MLLT10: variants seen among roughly 807,000 people sequenced by gnomAD.
The protein encoded by MLLT10 is MLLT10 histone lysine methyltransferase DOT1L cofactor, also known as protein AF-10.
MLLT10 carries 30 observed loss-of-function variants against 129.1 expected under a neutral mutation model. That is an observed-to-expected ratio of 0.23 (90% CI 0.17 to 0.32). The LOEUF (loss-of-function observed/expected upper bound fraction) is 0.32. MLLT10 is among the 10% of genes least tolerant of loss of function. The pLI is 1.00. For missense variants in MLLT10, 1,119 were observed against 1,268.3 expected, an observed-to-expected ratio of 0.88 and a Z score of 1.79; for synonymous variants, 490 against 446.4, an observed-to-expected ratio of 1.10 and a Z score of -1.23.
intron 3 of MLLT10, among the ~76,000 whole-genome samples, chr10:21,577,631 C>T (rs189657187): frequency 2.0e-5 from 3 of 151,794 alleles, no homozygotes; most frequent in African/African-American, 4.8e-5. Context: ...ACCATCATGC[C>T]GGGCTAATTT....
chr10:21,704,598 T>C (rs1460532942), intron 13 of MLLT10, among the ~76,000 whole-genome samples: 1 of 143,724 alleles, frequency 7.0e-6, no homozygotes, highest in African/African-American at 2.6e-5. Flanking sequence ...CCTTTGGAGG[T>C]GTCTCTCTCT....
At chr10:21,613,671 G>A (rs1438414739) in intron 6 of MLLT10, among the ~76,000 whole-genome samples, 1 of 151,322 alleles carries the variant, frequency 6.6e-6, no homozygotes, top group Non-Finnish European at 1.5e-5. Context: ...GAGAGACAGA[G>A]GTGGGCAGAT....
chr10:21,706,910 G>C (rs577118218), intron 13 of MLLT10, among the ~76,000 whole-genome samples: 2 of 152,058 alleles, frequency 1.3e-5, no homozygotes, highest in African/African-American at 4.8e-5. Context: ...CATCTCTTTC[G>C]TCAGGCTCTC....
At chr10:21,637,474 T>C (rs1373492585) in intron 8 of MLLT10, among the ~76,000 whole-genome samples, 1 of 152,200 alleles carries the variant, frequency 6.6e-6, no homozygotes, top group Non-Finnish European at 1.5e-5. Context: ...TCCTATACTT[T>C]CCAGAAACTT....
chr10:21,673,648 T>C lies in MLLT10; in HGVS notation c.1350T>C (p.Tyr450=), dbSNP rs1199119692. 1 of 1,614,040 alleles carries C rather than the reference T, an allele frequency of 6.2e-7. No homozygotes were observed. Residue 450 remains tyrosine (Y), a synonymous_variant, in exon 11 of 23, where the codon TAT becomes TAC. Transcript: ENST00000307729. The part of the protein sequence containing the change: ...LGNSSLPTAG[Y]KRAQTSGIEE... The stretch of plus-strand genomic sequence containing the variant: ...ATTCCAGCCTTCCTACAGCAGGATA[T>C]AAGCGGGCTCAAACTTCTGGCATAG...
intron 4 of MLLT10, among the ~76,000 whole-genome samples, chr10:21,588,318 C>T (rs1419051724): frequency 2.6e-5 from 4 of 152,252 alleles, no homozygotes; most frequent in African/African-American, 4.8e-5. Flanking sequence ...CCTACTGCCT[C>T]GGCCTTCCAA....
Position 21,608,007 on chromosome 10 carries a change from GT to G in MLLT10, c.406-4330del, listed in dbSNP as rs531496599. 9.3e-3 allele frequency among the ~76,000 whole-genome samples: 1,337 copies of G among 143,188 alleles called. 21 individuals carry two copies. The highest frequency in any genetic ancestry group is 0.03 in the African/African-American group (1,193 of 39,554). 93.9% of individuals were successfully genotyped at this position (143,188 alleles called of 152,430 possible). A position where few individuals can be genotyped will look rare whatever the true frequency, so the allele number is the denominator to read the frequency against. On this transcript the variant is annotated intron_variant, in intron 5 of 22. Coordinates refer to ENST00000307729, the MANE Select transcript of MLLT10 (RefSeq NM_001195626.3). The stretch of plus-strand genomic sequence containing the variant: ...GTTATAGGATTCTTGATTTACAGGT[GT>G]TTTTTTTTTTCTTCTTTTTTTTTGG...
chr10:21,592,915 A>G (rs762781980), intron 4 of MLLT10, among the ~76,000 whole-genome samples: 4 of 151,294 alleles, frequency 2.6e-5, no homozygotes, highest in Non-Finnish European at 5.9e-5. Context: ...TCTTTCTCAT[A>G]TTTTCTCTGA....
At chr10:21,708,484 A>G (rs766652631) in intron 13 of MLLT10, 4 of 806,612 alleles carry the variant, frequency 5.0e-6, no homozygotes, top group Non-Finnish European at 6.0e-6. Flanking sequence ...GGAATACATT[A>G]TTTTCATTTT....
chr10:21,733,123 A>G (rs1172145079), intron 18 of MLLT10, 36 bp downstream of exon 18: 3 of 1,549,178 alleles, frequency 1.9e-6, no homozygotes, highest in Middle Eastern at 1.7e-4. Context: ...ATCTAAGGAA[A>G]ATAGGCTTTC....
At chr10:21,655,871 T>C (rs1449615190) in intron 9 of MLLT10, among the ~76,000 whole-genome samples, 1 of 152,084 alleles carries the variant, frequency 6.6e-6, no homozygotes, top group Non-Finnish European at 1.5e-5. Context: ...GAGAAAAGGA[T>C]GGGGTACATT....
rs746664914 is a variant in MLLT10 at position 21,743,314 on chromosome 10, A to G, written c.*1331A>G. 4.0e-5 allele frequency: 9 copies of G among 222,238 alleles called. No homozygotes were observed. The highest frequency in any genetic ancestry group is 7.2e-5 in the Non-Finnish European group (8 of 111,074). The allele number at this position is 222,238 out of a possible 1,614,324, so 13.8% of individuals were successfully genotyped here. A position where few individuals can be genotyped will look rare whatever the true frequency, so the allele number is the denominator to read the frequency against. ...CATTTCTGTAAATAAAGTTTTGTGAATCTGTTTTGTATTGTGACAAATTCA... is the reference window on the plus strand; with the variant it reads ...CATTTCTGTAAATAAAGTTTTGTGAGTCTGTTTTGTATTGTGACAAATTCA... On this transcript the variant is annotated 3_prime_UTR_variant, in exon 23 of 23. Transcript: ENST00000307729.
chr10:21,636,542 G>A (rs2047478352), intron 8 of MLLT10, among the ~76,000 whole-genome samples: 1 of 150,470 alleles, frequency 6.6e-6, no homozygotes, highest in African/African-American at 2.4e-5. Context: ...ATGTTTTAAT[G>A]TTCTTTTATA....
intron 10 of MLLT10, among the ~76,000 whole-genome samples, chr10:21,671,997 CTAAA>C (rs944280310): frequency 2.0e-5 from 3 of 152,080 alleles, no homozygotes; most frequent in African/African-American, 7.2e-5. Flanking sequence ...ATAAAACCCA[CTAAA>C]TAAATAAATA....
intron 13 of MLLT10, among the ~76,000 whole-genome samples, chr10:21,692,746 C>T (rs1253956551): frequency 9.2e-5 from 14 of 151,932 alleles, no homozygotes; most frequent in Admixed American, 6.6e-4. Context: ...CTTGGCCTCC[C>T]GAAGTGCTGG....
intron 5 of MLLT10, among the ~76,000 whole-genome samples, chr10:21,607,714 A>G (rs915510934): frequency 2.6e-5 from 4 of 152,154 alleles, no homozygotes; most frequent in African/African-American, 4.8e-5. Flanking sequence ...CAATTTGTAG[A>G]CATTGTTTAA....
intron 6 of MLLT10, 81 bp downstream of exon 6, chr10:21,612,532 T>C (rs2044755715): frequency 1.4e-6 from 1 of 735,616 alleles, no homozygotes; most frequent in Non-Finnish European, 2.2e-6. Flanking sequence ...ACTTAGATAC[T>C]CAAACATTAA....
chr10:21,632,913 A>G (rs559962026), intron 8 of MLLT10, among the ~76,000 whole-genome samples: 1 of 152,186 alleles, frequency 6.6e-6, no homozygotes, highest in African/African-American at 2.4e-5. Context: ...TATAATACAT[A>G]ACCTGATTTT....
chr10:21,588,868 G>T (rs1457601089), intron 4 of MLLT10, among the ~76,000 whole-genome samples: 1 of 148,812 alleles, frequency 6.7e-6, no homozygotes, highest in Non-Finnish European at 1.5e-5. Flanking sequence ...CTGTCACATA[G>T]GCTGGAGTGC....
Sources: gnomAD v4.1 joint callset for allele counts (sites outside exome capture counted in the v4.1 genomes callset) on GRCh38, gnomAD v4.1.1 for gene constraint, MANE v1.5 for transcripts, NCBI Gene and HGNC (gene_info 2026-07-23, HGNC 2026-07-21) for gene names.